Variants in CDKN2B-AS1 observed in about 807,000 individuals in gnomAD.
CDKN2B-AS1 encodes CDKN2B antisense RNA 1 (non-protein coding).
At chr9:22,107,455 C>G (rs1825689533) in intron 4 of CDKN2B-AS1, among the ~76,000 whole-genome samples, 1 of 152,210 alleles carries the variant, frequency 6.6e-6, no homozygotes, top group Non-Finnish European at 1.5e-5. Context: ...CTCTGAAATG[C>G]TGGAAACTTT....
At chr9:22,011,881 G>GAATT (rs1440029180) in intron 1 of CDKN2B-AS1, among the ~76,000 whole-genome samples, 1 of 152,170 alleles carries the variant, frequency 6.6e-6, no homozygotes, top group African/African-American at 2.4e-5. Flanking sequence ...CTGAAACTTG[G>GAATT]AATTGTCAGA....
intron 4 of CDKN2B-AS1, chr9:22,058,862 G>A (rs1823685150): frequency 4.7e-6 from 1 of 213,334 alleles, no homozygotes; most frequent in South Asian, 8.4e-5. Flanking sequence ...GGAGGCGAAA[G>A]GCACTTCTTA....
chr9:22,043,247 G>GT (rs1822971008), intron 1 of CDKN2B-AS1, among the ~76,000 whole-genome samples: 1 of 151,862 alleles, frequency 6.6e-6, no homozygotes. Context: ...TAATTTGAGA[G>GT]TTTTTTTCTC....
intron 4 of CDKN2B-AS1, among the ~76,000 whole-genome samples, chr9:22,112,947 G>A (rs1825839403): frequency 6.6e-6 from 1 of 152,164 alleles, no homozygotes; most frequent in Admixed American, 6.5e-5. Context: ...GGTTGGTACT[G>A]TGCTTCAGTT....
At chr9:22,030,394 G>A (rs1373401916) in intron 1 of CDKN2B-AS1, 1 of 152,108 alleles carries the variant, frequency 6.6e-6, no homozygotes, top group Non-Finnish European at 1.5e-5. Flanking sequence ...GGAAGAGATT[G>A]CTTCTTTTAC....
chr9:22,074,072 A>C (rs572699640), intron 4 of CDKN2B-AS1, among the ~76,000 whole-genome samples: 13 of 152,210 alleles, frequency 8.5e-5, no homozygotes, highest in Admixed American at 3.3e-4. Flanking sequence ...CATGTTGCCC[A>C]GGCTGGTCTC....
At chr9:22,107,487 C>T (rs970508473) in intron 4 of CDKN2B-AS1, among the ~76,000 whole-genome samples, 3 of 152,216 alleles carry the variant, frequency 2.0e-5, no homozygotes, top group Non-Finnish European at 2.9e-5. Flanking sequence ...ACTCTCAGAT[C>T]TCTTACCTTG....
intron 1 of CDKN2B-AS1, among the ~76,000 whole-genome samples, chr9:22,025,051 G>A (rs961717632): frequency 4.6e-5 from 7 of 152,186 alleles, no homozygotes; most frequent in African/African-American, 9.7e-5. Context: ...TAGAGGGATC[G>A]CCATCCCTGT....
At chr9:22,072,701 G>A (rs550984632) in intron 4 of CDKN2B-AS1, among the ~76,000 whole-genome samples, 5 of 152,306 alleles carry the variant, frequency 3.3e-5, no homozygotes, top group Admixed American at 6.5e-5. Flanking sequence ...CTCCAAAGAA[G>A]CAAAATGCTA....
At chr9:22,050,098 A>T (rs2131279830) in intron 3 of CDKN2B-AS1, among the ~76,000 whole-genome samples, 1 of 152,288 alleles carries the variant, frequency 6.6e-6, no homozygotes, top group Non-Finnish European at 1.5e-5. Context: ...CTTTTATGCA[A>T]TTGGGAAACA....
At chr9:22,027,477 G>A (rs550583608) in intron 1 of CDKN2B-AS1, among the ~76,000 whole-genome samples, 4 of 152,218 alleles carry the variant, frequency 2.6e-5, no homozygotes, top group South Asian at 4.1e-4. Flanking sequence ...AGAGTCTCTC[G>A]AAAATTTTTC....
At chr9:22,111,387 A>T (rs1271181227) in intron 4 of CDKN2B-AS1, among the ~76,000 whole-genome samples, 1 of 152,168 alleles carries the variant, frequency 6.6e-6, no homozygotes, top group Non-Finnish European at 1.5e-5. Context: ...AACTTCCTAA[A>T]GAGCAGGGAT....
chr9:22,070,360 TA>T (rs1824240062), intron 4 of CDKN2B-AS1, among the ~76,000 whole-genome samples: 1 of 152,190 alleles, frequency 6.6e-6, no homozygotes, highest in Non-Finnish European at 1.5e-5. Flanking sequence ...TATAAATTAA[TA>T]AAATAGTTTT....
intron 4 of CDKN2B-AS1, chr9:22,077,720 A>G (rs1255454649): frequency 2.0e-5 from 3 of 152,220 alleles, no homozygotes; most frequent in Non-Finnish European, 4.4e-5. Context: ...GCTGGGTGAT[A>G]AAAGGACATT....
In CDKN2B-AS1 at chr9:21,995,214, T is replaced by C. The variant is rs1820593170; in HGVS notation, n.29+53T>C. 1 of 152,302 alleles carries C rather than the reference T, an allele frequency of 6.6e-6. No individual in the cohort carries two copies. The highest frequency in any genetic ancestry group is 2.4e-5 in the African/African-American group (1 of 41,554). 9.4% of individuals were successfully genotyped at this position (152,302 alleles called of 1,614,324 possible). A position where few individuals can be genotyped will look rare whatever the true frequency, so the allele number is the denominator to read the frequency against. ...AGCTGGGTCCGGGCGCCCATTCCCC[T>C]CCCAGCTGCCCGCGTCGCCGAGGGC... On this transcript the variant is annotated intron_variant and non_coding_transcript_variant, in intron 1 of 4. Transcript: ENST00000650946. The surrounding 1 kb of genome is among the most constrained non-coding windows in gnomAD (Gnocchi z 5.7).
At chr9:22,111,548 AAAAT>A (rs1825804808) in intron 4 of CDKN2B-AS1, among the ~76,000 whole-genome samples, 2 of 150,700 alleles carry the variant, frequency 1.3e-5, no homozygotes, top group Non-Finnish European at 2.9e-5. Context: ...ATCAGATGTC[AAAAT>A]GTGAAAACTA....
chr9:22,081,564 G>A (rs1824694996), intron 4 of CDKN2B-AS1, among the ~76,000 whole-genome samples: 1 of 152,180 alleles, frequency 6.6e-6, no homozygotes, highest in Admixed American at 6.5e-5. Context: ...TTACAGAAAT[G>A]GGAACAAGTT....
rs1195773756 is a variant in CDKN2B-AS1 at position 22,016,238 on chromosome 9, A to C, written n.29+21077A>C. 2.0e-5 allele frequency among the ~76,000 whole-genome samples: 3 copies of C among 152,174 alleles called. No individual in the cohort carries two copies. In the South Asian group the frequency reaches 6.2e-4, roughly 32 times the overall value. On this transcript the variant is annotated intron_variant and non_coding_transcript_variant, in intron 1 of 4. Transcript: ENST00000650946. The stretch of plus-strand genomic sequence containing the variant: ...GTTTTTATGGTTTTAGGTCTAATAC[A>C]AGGGACGTGAAGGACCTCTTCAAGG...
intron 1 of CDKN2B-AS1, among the ~76,000 whole-genome samples, chr9:22,029,101 A>G (rs755258827): frequency 5.3e-5 from 8 of 152,130 alleles, no homozygotes; most frequent in Non-Finnish European, 1.0e-4. Context: ...TCTTCTTTCT[A>G]GAAGAATAGC....
Sources: gnomAD v4.1 joint callset for allele counts (sites outside exome capture counted in the v4.1 genomes callset) on GRCh38, gnomAD v4.1.1 for gene constraint, Gnocchi (gnomAD v3.1) non-coding constraint, MANE v1.5 for transcripts, NCBI Gene and HGNC (gene_info 2026-07-23, HGNC 2026-07-21) for gene names.